Variants in TELO2 observed in about 807,000 individuals in gnomAD.
TELO2 encodes the protein telomere length regulation protein TEL2 homolog.
In TELO2, 71 loss-of-function variants were observed where a neutral mutation model predicts 91.0. That is an observed-to-expected ratio of 0.78 (90% CI 0.64 to 0.95). The LOEUF (loss-of-function observed/expected upper bound fraction) is 0.95. Among genes scored for constraint, TELO2 ranks in the 40% least tolerant of loss-of-function variants. The probability of loss-of-function intolerance (pLI) is 0.00; values close to 1 mark genes in which losing one functional copy is unlikely to be tolerated. For synonymous variants in TELO2, 584 were observed against 518.9 expected (o/e 1.13, Z -1.71); for missense variants, 1,183 against 1,141.3 (o/e 1.04, Z -0.53).
chr16:1,497,181 T>A lies in TELO2; in HGVS notation c.682+77T>A. ...TCAGCCTTCTGCAGAAGGCCGAGAA[T>A]CCCTCCTGACCCTGGCCCTCTGCAG... On this transcript the variant is annotated intron_variant, in intron 4 of 20. Transcript: ENST00000262319. This position sits in a 1 kb window ranked among gnomAD's most constrained non-coding sequence, Gnocchi z 4.0. The A allele has an allele frequency of 6.3e-7, 1 of 1,581,046 alleles. No homozygotes were observed. Among genetic ancestry groups the A allele is most frequent in the Admixed American group, 1.7e-5 (1 of 57,716 alleles).
At chr16:1,498,661 C>T (rs890004269) in intron 5 of TELO2, among the ~76,000 whole-genome samples, 1 of 152,212 alleles carries the variant, frequency 6.6e-6, no homozygotes, top group African/African-American at 2.4e-5. Context: ...TCTCAAACTC[C>T]TGGCCTTAAG....
At chr16:1,503,364 G>C (rs951094939) in intron 15 of TELO2, among the ~76,000 whole-genome samples, 3 of 152,118 alleles carry the variant, frequency 2.0e-5, no homozygotes, top group African/African-American at 7.2e-5. Flanking sequence ...CCAGGAGTTC[G>C]AGACCCGCTT....
chr16:1,504,748 G>A (rs189385430), intron 15 of TELO2, among the ~76,000 whole-genome samples: 160 of 151,722 alleles, frequency 1.1e-3, no homozygotes, highest in African/African-American at 3.6e-3. Flanking sequence ...TAGTAGAGAC[G>A]GGGTTTCACT....
intron 5 of TELO2, among the ~76,000 whole-genome samples, chr16:1,498,796 G>C (rs2039579081): frequency 1.3e-5 from 2 of 152,098 alleles, no homozygotes; most frequent in Non-Finnish European, 2.9e-5. Context: ...TAGACTTGTG[G>C]GGCTCTTTCT....
At chr16:1,503,409 AGT>A (rs2039776366) in intron 15 of TELO2, among the ~76,000 whole-genome samples, 1 of 152,018 alleles carries the variant, frequency 6.6e-6, no homozygotes, top group South Asian at 2.1e-4. Context: ...TTATTAGCCA[AGT>A]GTGGTGGTGG....
rs755655473 is a variant in TELO2, at chr16:1,505,633, A to G, written c.2034+32A>G. 2.6e-6 allele frequency: 2 copies of G among 762,360 alleles called. No individual in the cohort carries two copies. Among genetic ancestry groups the G allele is most frequent in the Non-Finnish European group, 4.4e-6 (2 of 450,098 alleles). 47.2% of individuals were successfully genotyped at this position (762,360 alleles called of 1,614,324 possible). ...GGCGCCTGGTCAGCTCCTCACGGGC[A>G]TGGGGACCGTGGGTGGGTGGGAAGG... On this transcript the variant is annotated intron_variant, in intron 16 of 20. Coordinates refer to ENST00000262319, the MANE Select transcript of TELO2 (RefSeq NM_016111.4). This position sits in a 1 kb window ranked among gnomAD's most constrained non-coding sequence, Gnocchi z 4.3.
At chr16:1,496,327 C>T (rs752257942) in intron 3 of TELO2, among the ~76,000 whole-genome samples, 1 of 152,240 alleles carries the variant, frequency 6.6e-6, no homozygotes, top group Non-Finnish European at 1.5e-5. Flanking sequence ...CGAGTCCCTG[C>T]GTGGGGCCTG....
intron 20 of TELO2, among the ~76,000 whole-genome samples, chr16:1,509,473 C>T (rs1195071733): frequency 6.6e-6 from 1 of 152,210 alleles, no homozygotes; most frequent in Non-Finnish European, 1.5e-5. Flanking sequence ...GCACGCCCAC[C>T]ACCCGGATTC....
chr16:1,497,013 T>C lies in TELO2; in HGVS notation c.614-23T>C. On this transcript the variant is annotated intron_variant, in intron 3 of 20. Coordinates refer to ENST00000262319, the MANE Select transcript of TELO2 (RefSeq NM_016111.4). This position sits in a 1 kb window ranked among gnomAD's most constrained non-coding sequence, Gnocchi z 4.0. ...TTGTGCCTTCCCGCCGGCTTCCTCATCAGGCCTCCCTTTCTGTCCCAGGTG... is the reference window on the plus strand; with the variant it reads ...TTGTGCCTTCCCGCCGGCTTCCTCACCAGGCCTCCCTTTCTGTCCCAGGTG... 1.2e-6 allele frequency: 2 copies of C among 1,612,784 alleles called. No individual in the cohort carries two copies. The highest frequency in any genetic ancestry group is 1.7e-6 in the Non-Finnish European group (2 of 1,179,214).
Position 1,502,551 on chromosome 16 carries a change from G to C in TELO2, c.1654-94G>C, listed in dbSNP as rs1280828755. 3 of 1,532,288 alleles carry C rather than the reference G, an allele frequency of 2.0e-6. No homozygotes were observed. The Admixed American group carries it at 5.4e-5, about 27-fold the overall frequency. The allele number at this position is 1,532,288 out of a possible 1,614,324, so 94.9% of individuals were successfully genotyped here. Reference sequence around the variant, plus strand: ...GGGGGGCCTGCGGCCTGGGGCCTCTGCTGGGGTGGGTGGCTCCGGCCCTGT... The same window carrying C: ...GGGGGGCCTGCGGCCTGGGGCCTCTCCTGGGGTGGGTGGCTCCGGCCCTGT... On this transcript the variant is annotated intron_variant, in intron 13 of 20. Coordinates refer to ENST00000262319, the MANE Select transcript of TELO2 (RefSeq NM_016111.4).
chr16:1,499,299 C>T lies in TELO2; in HGVS notation c.899C>T (p.Thr300Ile), dbSNP rs766757086. The change falls in exon 6 of 21, where the codon ACC becomes ATC. Residue 300 changes from threonine (T) to isoleucine (I), a missense_variant. Transcript: ENST00000262319. ...VKNKKAQFVM[T>I]QKLLFLQSRL... ...AACAAGAAGGCCCAGTTTGTGATGA[C>T]CCAGAAGCTTCTGTTCTTACAGTCC... The T allele has an allele frequency of 6.2e-7, 1 of 1,613,768 alleles. No individual in the cohort carries two copies. The highest frequency in any genetic ancestry group is 8.5e-7 in the Non-Finnish European group (1 of 1,180,006).
At chr16:1,498,844 T>G (rs1440015852) in intron 5 of TELO2, among the ~76,000 whole-genome samples, 1 of 152,196 alleles carries the variant, frequency 6.6e-6, no homozygotes, top group African/African-American at 2.4e-5. Flanking sequence ...ACTCTTTCAG[T>G]CTGGACCAGG....
Position 1,497,032 on chromosome 16 carries a change from C to A in TELO2, c.614-4C>A. 1 of 1,613,804 alleles carries A rather than the reference C, an allele frequency of 6.2e-7. No homozygotes were observed. ...TCCTCATCAGGCCTCCCTTTCTGTC[C>A]CAGGTGGCCTGGATTCCTCCGTGTC... is the stretch of plus-strand genomic sequence containing the variant. On this transcript the variant is annotated splice_polypyrimidine_tract_variant and splice_region_variant and intron_variant, in intron 3 of 20. Transcript: ENST00000262319. The surrounding 1 kb of genome is among the most constrained non-coding windows in gnomAD (Gnocchi z 4.0).
At chr16:1,508,453 T>G (rs948347485) in intron 20 of TELO2, among the ~76,000 whole-genome samples, 2 of 152,218 alleles carry the variant, frequency 1.3e-5, no homozygotes, top group Non-Finnish European at 2.9e-5. Flanking sequence ...TTTTGTTGTT[T>G]GCTGGCCTTT....
At chr16:1,508,953 C>T (rs796854456) in intron 20 of TELO2, among the ~76,000 whole-genome samples, 30 of 152,290 alleles carry the variant, frequency 2.0e-4, no homozygotes, top group African/African-American at 7.2e-4. Context: ...GGTGAGGCCC[C>T]CCAGACACCA....
At chr16:1,508,338 G>C (rs1015879371) in intron 20 of TELO2, among the ~76,000 whole-genome samples, 1 of 152,100 alleles carries the variant, frequency 6.6e-6, no homozygotes, top group Non-Finnish European at 1.5e-5. Flanking sequence ...TCACCATGTT[G>C]GTCAGGATGG....
chr16:1,498,351 G>A (rs1284163297), intron 5 of TELO2, among the ~76,000 whole-genome samples: 1 of 152,182 alleles, frequency 6.6e-6, no homozygotes, highest in Admixed American at 6.5e-5. Flanking sequence ...GGGTGTGTGT[G>A]TGTTTAAGGC....
intron 3 of TELO2, among the ~76,000 whole-genome samples, 165 bp downstream of exon 3, chr16:1,495,788 C>T (rs943134766): frequency 1.3e-5 from 2 of 152,274 alleles, no homozygotes; most frequent in African/African-American, 4.8e-5. Flanking sequence ...CGGCAGGGCT[C>T]ATCCGCTGTG....
rs201102836 is a variant in TELO2, at chr16:1,501,802, C to G, written c.1472+29C>G. ...GGGGCTCTGCCACCCCAGTGGGCAG[C>G]GTGCAGGAGGCCGGGAGGCGAACCC... On this transcript the variant is annotated intron_variant, in intron 11 of 20. Transcript: ENST00000262319. 2.5e-6 allele frequency: 4 copies of G among 1,592,478 alleles called. No individual in the cohort carries two copies. In the Admixed American group the frequency reaches 5.1e-5, roughly 20 times the overall value.
Sources: allele counts gnomAD v4.1 joint callset (sites outside exome capture counted in the v4.1 genomes callset), GRCh38; gene constraint gnomAD v4.1.1; non-coding constraint Gnocchi (gnomAD v3.1); transcripts MANE v1.5; gene names NCBI Gene and HGNC (gene_info 2026-07-23, HGNC 2026-07-21).